Variants in GABRB2 observed in about 807,000 individuals in gnomAD.
GABRB2 encodes gamma-aminobutyric acid receptor subunit beta-2.
In GABRB2, 16 loss-of-function variants were observed where a neutral mutation model predicts 54.7. That is an observed-to-expected ratio of 0.29 (90% CI 0.20 to 0.44). The LOEUF (loss-of-function observed/expected upper bound fraction) is 0.44, where lower values mean the gene tolerates loss of function less well. Ranked by LOEUF, GABRB2 falls within the 20% of genes least tolerant of loss-of-function variation. The pLI, the probability that GABRB2 is intolerant of heterozygous loss-of-function variation, is 1.00. For synonymous variants in GABRB2, 244 were observed against 233.8 expected (o/e 1.04, Z -0.40); for missense variants, 355 against 644.0 (o/e 0.55, Z 4.86).
intron 3 of GABRB2, among the ~76,000 whole-genome samples, chr5:161,543,016 A>G (rs1760866627): frequency 6.6e-6 from 1 of 152,248 alleles, no homozygotes. Context: ...TGGAAGCTGA[A>G]AAAAATGTTA....
Position 161,415,922 on chromosome 5 carries a change from T to TTTTTGTTTTGTTTTG in GABRB2, c.459-4880_459-4866dup, listed in dbSNP as rs10525407. ...TCCACCGCACCCGGCCCCAAGTTTG[T>TTTTTGTTTTGTTTTG]TTTTGTTTTGTTTTGTTTTGTTTTG... is the stretch of plus-strand genomic sequence containing the variant. On this transcript the variant is annotated intron_variant, in intron 4 of 9. Coordinates refer to ENST00000393959, the MANE Select transcript of GABRB2 (RefSeq NM_001371727.1). Among the ~76,000 whole-genome samples the TTTTTGTTTTGTTTTG allele has an allele frequency of 8.5e-3, 1,244 of 146,118 alleles. 4 individuals are homozygous for TTTTTGTTTTGTTTTG. Among genetic ancestry groups the TTTTTGTTTTGTTTTG allele is most frequent in the East Asian group, 0.027 (132 of 4,878 alleles).
intron 5 of GABRB2, among the ~76,000 whole-genome samples, chr5:161,376,992 C>T (rs533519948): frequency 6.6e-6 from 1 of 152,048 alleles, no homozygotes; most frequent in South Asian, 2.1e-4. Context: ...AGGAATGGAA[C>T]CTAGGGCAGC....
chr5:161,374,597 C>A (rs1755229722), intron 5 of GABRB2, among the ~76,000 whole-genome samples: 1 of 152,190 alleles, frequency 6.6e-6, no homozygotes, highest in Non-Finnish European at 1.5e-5. Context: ...AGAGTCTTTG[C>A]ATTTAATTTA....
intron 4 of GABRB2, among the ~76,000 whole-genome samples, chr5:161,448,849 C>G (rs923790012): frequency 1.3e-5 from 2 of 151,982 alleles, no homozygotes; most frequent in African/African-American, 4.8e-5. Flanking sequence ...TAAGTTACAC[C>G]TGAGGAATGT....
At chr5:161,486,038 T>C (rs1022273579) in intron 3 of GABRB2, among the ~76,000 whole-genome samples, 1 of 151,946 alleles carries the variant, frequency 6.6e-6, no homozygotes, top group African/African-American at 2.4e-5. Context: ...TTATTTTAAT[T>C]ACTGGGACTG....
At chr5:161,427,400 T>G (rs1278327520) in intron 4 of GABRB2, among the ~76,000 whole-genome samples, 1 of 152,290 alleles carries the variant, frequency 6.6e-6, no homozygotes, top group Admixed American at 6.5e-5. Flanking sequence ...GAAATAACTC[T>G]ACTGAGTAGA....
chr5:161,444,830 T>A (rs1347123732), intron 4 of GABRB2, among the ~76,000 whole-genome samples: 1 of 152,144 alleles, frequency 6.6e-6, no homozygotes, highest in East Asian at 1.9e-4. Context: ...ATAATATCAG[T>A]TTGATTTAAT....
At chr5:161,491,838 GT>G (rs1226030744) in intron 3 of GABRB2, among the ~76,000 whole-genome samples, 1 of 151,686 alleles carries the variant, frequency 6.6e-6, no homozygotes, top group Non-Finnish European at 1.5e-5. Flanking sequence ...AGGAGCATCT[GT>G]TTTATCTTTC....
chr5:161,324,037 G>A (rs534599849), intron 9 of GABRB2, among the ~76,000 whole-genome samples: 1 of 152,256 alleles, frequency 6.6e-6, no homozygotes, highest in Admixed American at 6.5e-5. Context: ...TAGAAACAAT[G>A]CAAACATCAA....
intron 7 of GABRB2, among the ~76,000 whole-genome samples, chr5:161,331,573 T>A (rs902522981): frequency 6.6e-6 from 1 of 152,092 alleles, no homozygotes; most frequent in Non-Finnish European, 1.5e-5. Flanking sequence ...CATTTTTGAC[T>A]TATGGGGACT....
At chr5:161,521,627 T>G (rs774115676) in intron 3 of GABRB2, among the ~76,000 whole-genome samples, 1 of 151,922 alleles carries the variant, frequency 6.6e-6, no homozygotes, top group African/African-American at 2.4e-5. Context: ...ATCATCACTT[T>G]TAAAGTCCCA....
intron 3 of GABRB2, among the ~76,000 whole-genome samples, chr5:161,522,706 A>G (rs1256561909): frequency 6.6e-6 from 1 of 151,654 alleles, no homozygotes; most frequent in East Asian, 1.9e-4. Context: ...AACAACGAAA[A>G]GAGACATACT....
At chr5:161,544,986 C>T (rs773601515) in intron 3 of GABRB2, among the ~76,000 whole-genome samples, 28 of 152,086 alleles carry the variant, frequency 1.8e-4, no homozygotes, top group Non-Finnish European at 3.2e-4. Context: ...TTGCGTTTTA[C>T]ACATGAATGT....
chr5:161,348,623 C>G (rs1236842569), intron 5 of GABRB2, among the ~76,000 whole-genome samples: 1 of 151,834 alleles, frequency 6.6e-6, no homozygotes, highest in Non-Finnish European at 1.5e-5. Flanking sequence ...AATCACAGTT[C>G]CAAAGGATCT....
At chr5:161,335,824 C>G (rs566065196) in intron 6 of GABRB2, among the ~76,000 whole-genome samples, 93 of 152,198 alleles carry the variant, frequency 6.1e-4, no homozygotes, top group African/African-American at 2.1e-3. Context: ...GTATTTTTAT[C>G]AAGTCACAGA....
chr5:161,309,137 A>G (rs886627475), intron 9 of GABRB2, among the ~76,000 whole-genome samples: 1 of 152,238 alleles, frequency 6.6e-6, no homozygotes, highest in Non-Finnish European at 1.5e-5. Flanking sequence ...CAGCATCTAT[A>G]AGAAACTTAA....
At chr5:161,537,847 C>T (rs1015443950) in intron 3 of GABRB2, among the ~76,000 whole-genome samples, 4 of 152,112 alleles carry the variant, frequency 2.6e-5, no homozygotes, top group African/African-American at 9.7e-5. Flanking sequence ...ACCAAATCTA[C>T]CCTTTCCTCA....
At chr5:161,363,595 A>C (rs1713997853) in intron 5 of GABRB2, among the ~76,000 whole-genome samples, 1 of 152,102 alleles carries the variant, frequency 6.6e-6, no homozygotes, top group African/African-American at 2.4e-5. Flanking sequence ...CCAGCTACTA[A>C]GGAGGCTGAG....
chr5:161,523,465 C>G (rs1760177891), intron 3 of GABRB2, among the ~76,000 whole-genome samples: 1 of 151,516 alleles, frequency 6.6e-6, no homozygotes. Flanking sequence ...AAATTGGACT[C>G]TGACAGGCCA....
Sources: gnomAD v4.1 joint callset for allele counts (sites outside exome capture counted in the v4.1 genomes callset) on GRCh38, gnomAD v4.1.1 for gene constraint, MANE v1.5 for transcripts, NCBI Gene and HGNC (gene_info 2026-07-23, HGNC 2026-07-21) for gene names.